The following HAPLN1 variants were observed in gnomAD, a reference collection of about 807,000 sequenced individuals.
The protein encoded by HAPLN1 is hyaluronan and proteoglycan link protein 1, also known as Cartilage link protein.
In HAPLN1, 13 loss-of-function variants were observed where a neutral mutation model predicts 36.5. The observed-to-expected ratio is 0.36, with a 90% CI of 0.23 to 0.57. The LOEUF is 0.57. Ranked by LOEUF, HAPLN1 falls within the 20% of genes least tolerant of loss-of-function variation. The pLI is 0.83. For missense variants in HAPLN1, 407 were observed against 439.7 expected (o/e 0.93, Z 0.66); for synonymous variants, 202 against 169.8 (o/e 1.19, Z -1.48).
chr5:83,712,656 G>C (rs974769213), intron 1 of HAPLN1, among the ~76,000 whole-genome samples: 2 of 151,928 alleles, frequency 1.3e-5, no homozygotes, highest in Non-Finnish European at 2.9e-5. Flanking sequence ...AAAAAATTTT[G>C]TTGGCATATT....
intron 1 of HAPLN1, among the ~76,000 whole-genome samples, chr5:83,718,284 T>G (rs1751956696): frequency 6.6e-6 from 1 of 152,226 alleles, no homozygotes; most frequent in South Asian, 2.1e-4. Context: ...GTTTCTACCC[T>G]GAGCACCTAT....
chr5:83,669,246 T>C (rs1033297490), intron 2 of HAPLN1, among the ~76,000 whole-genome samples: 1 of 152,202 alleles, frequency 6.6e-6, no homozygotes, highest in Non-Finnish European at 1.5e-5. Context: ...CTCACACCTG[T>C]AATTCTAACA....
chr5:83,693,997 T>G (rs1751336073), intron 1 of HAPLN1, among the ~76,000 whole-genome samples: 1 of 151,976 alleles, frequency 6.6e-6, no homozygotes, highest in African/African-American at 2.4e-5. Context: ...CAAGTACACA[T>G]TCTTTTCAAA....
At chr5:83,658,712 T>G (rs1455742811) in intron 2 of HAPLN1, among the ~76,000 whole-genome samples, 1 of 152,142 alleles carries the variant, frequency 6.6e-6, no homozygotes, top group Non-Finnish European at 1.5e-5. Flanking sequence ...AACCTATCTT[T>G]TGGTCATGAT....
intron 3 of HAPLN1, 61 bp from the exon 4 acceptor site, chr5:83,644,726 T>C: frequency 7.7e-7 from 1 of 1,292,974 alleles, no homozygotes; most frequent in Non-Finnish European, 1.0e-6. Context: ...TCTGAGCAAA[T>C]GCCACCTAGT....
intron 2 of HAPLN1, among the ~76,000 whole-genome samples, chr5:83,659,461 A>G (rs1225394147): frequency 6.6e-6 from 1 of 152,190 alleles, no homozygotes; most frequent in Non-Finnish European, 1.5e-5. Flanking sequence ...CAGCCTTGGT[A>G]GACTATGAGA....
chr5:83,646,369 T>C (rs1749878024), intron 3 of HAPLN1, among the ~76,000 whole-genome samples: 1 of 152,258 alleles, frequency 6.6e-6, no homozygotes, highest in African/African-American at 2.4e-5. Flanking sequence ...TGCTATTTTA[T>C]GAGACTGCAG....
At position 83,652,502 on chromosome 5, in the gene HAPLN1, C is replaced by T. The variant is rs1216707807; in HGVS notation, c.423G>A (p.Val141=). 13 of 1,613,934 alleles carry T rather than the reference C, an allele frequency of 8.1e-6. No individual in the cohort carries two copies. The highest frequency in any genetic ancestry group is 1.0e-5 in the Non-Finnish European group (12 of 1,179,914). ...CAGTATCATCTTCTAATCCTTCAAT[C>T]ACCTCACACTTATATCTCCCATAAT... ...LEDYGRYKCE[V]IEGLEDDTVV... The change falls in exon 3 of 5, where the codon GTG becomes GTA. Residue 141 remains valine (V), a synonymous_variant. Transcript: ENST00000274341.
intron 1 of HAPLN1, among the ~76,000 whole-genome samples, chr5:83,679,886 GTTA>G (rs1750958577): frequency 1.3e-5 from 2 of 152,140 alleles, no homozygotes; most frequent in Admixed American, 1.3e-4. Context: ...CATGTTAGTT[GTTA>G]TTATTATGAT....
chr5:83,661,629 A>G (rs912525561), intron 2 of HAPLN1, among the ~76,000 whole-genome samples: 8 of 151,768 alleles, frequency 5.3e-5, no homozygotes, highest in Non-Finnish European at 8.8e-5. Context: ...TATTTTTAGT[A>G]GAGACGGGGT....
At chr5:83,699,212 CT>C (rs1387458358) in intron 1 of HAPLN1, among the ~76,000 whole-genome samples, 2 of 152,168 alleles carry the variant, frequency 1.3e-5, no homozygotes, top group African/African-American at 4.8e-5. Context: ...ATGCAGTGTA[CT>C]TTACCATCAA....
chr5:83,718,032 A>G (rs1419612480), intron 1 of HAPLN1, among the ~76,000 whole-genome samples: 1 of 152,238 alleles, frequency 6.6e-6, no homozygotes, highest in Non-Finnish European at 1.5e-5. Flanking sequence ...TTTCAGGAAC[A>G]GTGATTTAAG....
chr5:83,671,369 T>A (rs1187799265), intron 2 of HAPLN1, among the ~76,000 whole-genome samples: 1 of 152,246 alleles, frequency 6.6e-6, no homozygotes, highest in African/African-American at 2.4e-5. Context: ...GAGATTGAGA[T>A]AGCTAATTTA....
At chr5:83,648,875 A>G (rs1004698045) in intron 3 of HAPLN1, among the ~76,000 whole-genome samples, 1 of 152,086 alleles carries the variant, frequency 6.6e-6, no homozygotes, top group Non-Finnish European at 1.5e-5. Flanking sequence ...CAGATTTCAA[A>G]CTCTTATGCA....
At chr5:83,718,614 C>G (rs1257148839) in intron 1 of HAPLN1, among the ~76,000 whole-genome samples, 2 of 152,140 alleles carry the variant, frequency 1.3e-5, no homozygotes, top group Non-Finnish European at 2.9e-5. Context: ...CAGCATTTTG[C>G]TACCTTTAAA....
intron 3 of HAPLN1, among the ~76,000 whole-genome samples, chr5:83,650,945 C>T (rs936933896): frequency 2.6e-5 from 4 of 151,928 alleles, no homozygotes; most frequent in African/African-American, 9.7e-5. Context: ...TTGATTTGAC[C>T]CTATAATGCG....
intron 1 of HAPLN1, among the ~76,000 whole-genome samples, chr5:83,703,765 A>G (rs1392418926): frequency 6.6e-6 from 1 of 152,094 alleles, no homozygotes; most frequent in Non-Finnish European, 1.5e-5. Context: ...ACAACTTGGA[A>G]AGCAGATTTC....
intron 1 of HAPLN1, among the ~76,000 whole-genome samples, chr5:83,684,066 T>G (rs1487040197): frequency 6.6e-6 from 1 of 151,968 alleles, no homozygotes; most frequent in African/African-American, 2.4e-5. Context: ...TTAGTGGTAA[T>G]GAACATCTGC....
intron 2 of HAPLN1, among the ~76,000 whole-genome samples, chr5:83,657,889 T>C (rs946073326): frequency 6.6e-6 from 1 of 152,176 alleles, no homozygotes; most frequent in Non-Finnish European, 1.5e-5. Context: ...GAAAATACTC[T>C]ACCACCATCA....
Sources: allele counts gnomAD v4.1 joint callset (sites outside exome capture counted in the v4.1 genomes callset), GRCh38; gene constraint gnomAD v4.1.1; transcripts MANE v1.5; gene names NCBI Gene and HGNC (gene_info 2026-07-23, HGNC 2026-07-21).